NLGN4X: variants seen among roughly 807,000 people sequenced by gnomAD.
NLGN4X encodes neuroligin 4 X-linked.
A neutral mutation model predicts 40.3 loss-of-function variants in NLGN4X; 3 were observed. The ratio of observed to expected loss-of-function variants is 0.07; its 90% CI spans 0.03 to 0.19. The LOEUF is 0.19. Ranked by LOEUF, NLGN4X falls within the 10% of genes least tolerant of loss-of-function variation. The probability of loss-of-function intolerance (pLI) is 1.00; values close to 1 mark genes in which losing one functional copy is unlikely to be tolerated. For synonymous variants in NLGN4X, 270 were observed against 306.8 expected (o/e 0.88, Z 1.25); for missense variants, 382 against 708.3 (o/e 0.54, Z 5.23).
At chrX:6,055,249 C>T (rs1009807572) in intron 2 of NLGN4X, among the ~76,000 whole-genome samples, 20 of 112,163 alleles carry the variant, frequency 1.8e-4, no homozygotes, top group African/African-American at 6.5e-4. Flanking sequence ...AATCCTGGCA[C>T]ATTGGAAGGC....
At chrX:6,111,809 T>C (rs964328758) in intron 2 of NLGN4X, among the ~76,000 whole-genome samples, 1 of 111,683 alleles carries the variant, frequency 9.0e-6, no homozygotes, top group African/African-American at 3.3e-5. Context: ...TATTTTGTTA[T>C]AGCAGCCTCG....
intron 4 of NLGN4X, among the ~76,000 whole-genome samples, chrX:5,906,761 C>T (rs1323932372): frequency 9.0e-6 from 1 of 111,408 alleles, no homozygotes; most frequent in Non-Finnish European, 1.9e-5. Context: ...CCATCCTCCC[C>T]GCTCAGCCTC....
At chrX:6,069,321 C>T (rs1388827284) in intron 2 of NLGN4X, among the ~76,000 whole-genome samples, 2 of 111,034 alleles carry the variant, frequency 1.8e-5, no homozygotes, top group East Asian at 5.6e-4. Flanking sequence ...AAGTAGACAT[C>T]CATACCAGAA....
rs2031460854 is a variant in NLGN4X, at chrX:5,895,884, C to T, written c.1602-2218G>A. 3.6e-5 allele frequency among the ~76,000 whole-genome samples: 4 copies of T among 111,728 alleles called. No homozygotes were observed. In the South Asian group the frequency reaches 1.5e-3, roughly 41 times the overall value. ...TTTTGAAAAAATGTTGGATTCAATG[C>T]AGCAACTCATGTTTCTTTTGCTCTT... On this transcript the variant is annotated intron_variant, in intron 5 of 5. Transcript: ENST00000381095.
chrX:6,002,972 C>G (rs1220108924), intron 3 of NLGN4X, among the ~76,000 whole-genome samples: 1 of 111,542 alleles, frequency 9.0e-6, no homozygotes, highest in Admixed American at 9.5e-5. Context: ...GTTTTCAGTT[C>G]CCCTTCCTGC....
chrX:5,937,224 G>A (rs1233989657), intron 3 of NLGN4X, among the ~76,000 whole-genome samples: 1 of 110,586 alleles, frequency 9.0e-6, no homozygotes, highest in Admixed American at 9.6e-5. Context: ...ACAGGCAGGT[G>A]GTACCACACC....
At chrX:5,956,775 T>G (rs189458710) in intron 3 of NLGN4X, among the ~76,000 whole-genome samples, 35 of 112,258 alleles carry the variant, frequency 3.1e-4, no homozygotes, top group Non-Finnish European at 5.8e-4. Context: ...GGCATTTGTT[T>G]CAGGTTACTA....
intron 1 of NLGN4X, among the ~76,000 whole-genome samples, chrX:6,165,753 C>T (rs1211514061): frequency 9.0e-6 from 1 of 111,575 alleles, no homozygotes; most frequent in Non-Finnish European, 1.9e-5. Flanking sequence ...CTTTCCTCTA[C>T]ACAATTCTAA....
At chrX:6,045,631 A>G (rs192166757) in intron 2 of NLGN4X, among the ~76,000 whole-genome samples, 1 of 111,874 alleles carries the variant, frequency 8.9e-6, no homozygotes. Context: ...AGGAGAAAAA[A>G]GCTATTTGAA....
intron 2 of NLGN4X, among the ~76,000 whole-genome samples, chrX:6,042,929 AG>A (rs1331863013): frequency 2.9e-5 from 3 of 104,506 alleles, no homozygotes; most frequent in Non-Finnish European, 5.9e-5. Flanking sequence ...TACAAAAAAT[AG>A]CCAGACATGG....
At position 6,019,380 on chromosome X, in the gene NLGN4X, T is replaced by C. The variant is rs1411597786; in HGVS notation, c.625+9900A>G. On this transcript the variant is annotated intron_variant, in intron 3 of 5. Transcript: ENST00000381095. ...CATTTTTTTAAACTTTATGGGTACA[T>C]AGTAAGTGTATACATTTGTGGGGTA... Among the ~76,000 whole-genome samples the C allele has an allele frequency of 6.3e-5, 7 of 111,936 alleles. No homozygotes were observed. The South Asian group carries it at 1.9e-3, about 30-fold the overall frequency.
At chrX:5,904,495 AT>A (rs1240183532) in intron 4 of NLGN4X, among the ~76,000 whole-genome samples, 1 of 112,139 alleles carries the variant, frequency 8.9e-6, no homozygotes, top group East Asian at 2.8e-4. Context: ...AGTAAGGAGT[AT>A]TTTTTAGGTC....
intron 2 of NLGN4X, among the ~76,000 whole-genome samples, chrX:6,105,577 A>C (rs973951942): frequency 9.0e-6 from 1 of 111,683 alleles, no homozygotes; most frequent in East Asian, 2.8e-4. Flanking sequence ...TTTCTCATTA[A>C]TGTTAATGGG....
intron 1 of NLGN4X, among the ~76,000 whole-genome samples, chrX:6,210,476 A>G: frequency 9.0e-6 from 1 of 111,336 alleles, no homozygotes; most frequent in East Asian, 2.8e-4. Context: ...CCTGTCTTCA[A>G]AATAAAACCT....
chrX:6,151,814 A>G, intron 1 of NLGN4X, 43 bp from the exon 2 acceptor site: 17 of 264,238 alleles, frequency 6.4e-5, no homozygotes, highest in Non-Finnish European at 9.0e-5. Context: ...AAGCCACACA[A>G]CGACCACCTA....
At position 5,891,713 on chromosome X, in the gene NLGN4X, G is replaced by T; in HGVS notation, c.*1104C>A. On this transcript the variant is annotated 3_prime_UTR_variant, in exon 6 of 6. Coordinates refer to ENST00000381095, the MANE Select transcript of NLGN4X (RefSeq NM_181332.3). ...TTTTGTTTCTCCCTACTGATTCTTT[G>T]TGTGTGCATGTCTCTAATTTAACAA... is the stretch of plus-strand genomic sequence containing the variant. 1.1e-5 allele frequency: 2 copies of T among 184,039 alleles called. No homozygotes were observed. Among genetic ancestry groups the T allele is most frequent in the Non-Finnish European group, 2.0e-5 (2 of 99,314 alleles). The allele number at this position is 184,039 out of a possible 1,213,427, so 15.2% of individuals were successfully genotyped here. A position where few individuals can be genotyped will look rare whatever the true frequency, so the allele number is the denominator to read the frequency against.
At position 6,055,502 on chromosome X, in the gene NLGN4X, G is replaced by C. The variant is rs76922005; in HGVS notation, c.473-26070C>G. 3.7e-3 allele frequency among the ~76,000 whole-genome samples: 411 copies of C among 110,960 alleles called. 11 individuals carry two copies. In the East Asian group the frequency reaches 0.092, roughly 25 times the overall value. On this transcript the variant is annotated intron_variant, in intron 2 of 5. Transcript: ENST00000381095. ...AGAACTACTATAGGGTGCTGGTTGTGGGGGGGCTTACAAAACTACCTATTG... is the reference window on the plus strand; with the variant it reads ...AGAACTACTATAGGGTGCTGGTTGTCGGGGGGCTTACAAAACTACCTATTG...
At chrX:6,169,111 A>G (rs1242219521) in intron 1 of NLGN4X, among the ~76,000 whole-genome samples, 1 of 111,813 alleles carries the variant, frequency 8.9e-6, no homozygotes, top group East Asian at 2.8e-4. Flanking sequence ...AGACAGATCA[A>G]AGGTATCCCC....
At chrX:5,908,469 A>T (rs1478011407) in intron 4 of NLGN4X, among the ~76,000 whole-genome samples, 1 of 111,547 alleles carries the variant, frequency 9.0e-6, no homozygotes, top group Non-Finnish European at 1.9e-5. Flanking sequence ...ACTTTTACTA[A>T]GTTGTAGCTA....
Sources: gnomAD v4.1 joint callset for allele counts (sites outside exome capture counted in the v4.1 genomes callset) on GRCh38, gnomAD v4.1.1 for gene constraint, MANE v1.5 for transcripts, NCBI Gene and HGNC (gene_info 2026-07-23, HGNC 2026-07-21) for gene names.